Variants in LOC128462377 observed in about 807,000 individuals in gnomAD.
the LOC128462377 span, among the ~76,000 whole-genome samples, chr16:89,335,333 C>T: frequency 1.3e-5 from 2 of 152,208 alleles, no homozygotes; most frequent in African/African-American, 4.8e-5. Flanking sequence ...CAGTTCCTTC[C>T]AGCACAGGAA....
chr16:89,354,614 G>A, the LOC128462377 span, among the ~76,000 whole-genome samples: 1 of 152,198 alleles, frequency 6.6e-6, no homozygotes, highest in Non-Finnish European at 1.5e-5. Context: ...GGGCACGGTG[G>A]CTCACTCTTG....
At chr16:89,346,409 A>T in the LOC128462377 span, among the ~76,000 whole-genome samples, 1 of 152,334 alleles carries the variant, frequency 6.6e-6, no homozygotes, top group East Asian at 1.9e-4. Context: ...CTGGAGCTAA[A>T]CATATAAAAT....
the LOC128462377 span, among the ~76,000 whole-genome samples, chr16:89,392,163 G>A: frequency 5.9e-5 from 9 of 152,204 alleles, no homozygotes; most frequent in African/African-American, 2.2e-4. Context: ...CGGACACAGC[G>A]TCAGGTTATA....
the LOC128462377 span, among the ~76,000 whole-genome samples, chr16:89,342,535 C>T: frequency 6.6e-6 from 1 of 152,238 alleles, no homozygotes; most frequent in Non-Finnish European, 1.5e-5. Context: ...CTGCGTGGCT[C>T]TCTCCTAGCA....
the LOC128462377 span, among the ~76,000 whole-genome samples, chr16:89,354,847 T>A: frequency 6.6e-6 from 1 of 152,044 alleles, no homozygotes; most frequent in Non-Finnish European, 1.5e-5. Context: ...AGATCACACC[T>A]CTGCACTCCA....
chr16:89,383,715 G>A, the LOC128462377 span, among the ~76,000 whole-genome samples: 4 of 152,006 alleles, frequency 2.6e-5, no homozygotes, highest in African/African-American at 9.7e-5. Flanking sequence ...GACCAGCAAC[G>A]CAGCAGACGT....
chr16:89,377,497 G>A, the LOC128462377 span, among the ~76,000 whole-genome samples: 2 of 152,014 alleles, frequency 1.3e-5, no homozygotes, highest in Non-Finnish European at 2.9e-5. Flanking sequence ...CTGGGGGGCG[G>A]GGAGGGATGA....
the LOC128462377 span, among the ~76,000 whole-genome samples, chr16:89,410,497 C>T: frequency 3.3e-5 from 5 of 152,124 alleles, no homozygotes; most frequent in Non-Finnish European, 7.4e-5. Context: ...CTGTCAGGAA[C>T]CACGCAGAGC....
At chr16:89,394,124 C>A in the LOC128462377 span, among the ~76,000 whole-genome samples, 2 of 152,302 alleles carry the variant, frequency 1.3e-5, no homozygotes, top group Middle Eastern at 3.4e-3. Flanking sequence ...TCCAGGCAGG[C>A]TTCCCAGGCC....
chr16:89,358,874 G>T, the LOC128462377 span, among the ~76,000 whole-genome samples: 1 of 151,980 alleles, frequency 6.6e-6, no homozygotes, highest in African/African-American at 2.4e-5. Flanking sequence ...TGCCCAGGCT[G>T]GAGCGCAGTG....
At chr16:89,327,099 G>A in the LOC128462377 span, among the ~76,000 whole-genome samples, 1,484 of 44,398 alleles carry the variant, frequency 0.033, 23 homozygotes, top group African/African-American at 0.11. Context: ...CAGAGGTGGG[G>A]AATGCAGAGG....
the LOC128462377 span, among the ~76,000 whole-genome samples, chr16:89,363,938 G>C: frequency 6.6e-6 from 1 of 152,138 alleles, no homozygotes; most frequent in Non-Finnish European, 1.5e-5. Flanking sequence ...ATACATGCCT[G>C]CAGTCCCAGC....
the LOC128462377 span, among the ~76,000 whole-genome samples, chr16:89,406,806 C>T: frequency 6.6e-6 from 1 of 152,174 alleles, no homozygotes; most frequent in Non-Finnish European, 1.5e-5. Flanking sequence ...ACAGGGTGCC[C>T]TCCGGGAGGC....
At chr16:89,399,069 C>A in the LOC128462377 span, among the ~76,000 whole-genome samples, 5 of 152,192 alleles carry the variant, frequency 3.3e-5, no homozygotes, top group African/African-American at 1.2e-4. Flanking sequence ...GTTGCCTCAA[C>A]AGAAACTGCA....
At chr16:89,405,966 CG>C in the LOC128462377 span, among the ~76,000 whole-genome samples, 1 of 152,004 alleles carries the variant, frequency 6.6e-6, no homozygotes, top group African/African-American at 2.4e-5. Context: ...AAAAACTTAC[CG>C]GGCGTGGTGG....
chr16:89,345,955 C>T, the LOC128462377 span, among the ~76,000 whole-genome samples: 3 of 152,064 alleles, frequency 2.0e-5, no homozygotes, highest in African/African-American at 7.2e-5. Flanking sequence ...CAAGAATCAA[C>T]AGAACAGGCC....
chr16:89,391,114 G>A, the LOC128462377 span, among the ~76,000 whole-genome samples: 9 of 151,660 alleles, frequency 5.9e-5, no homozygotes, highest in African/African-American at 1.5e-4. Context: ...TGTAGTCCCA[G>A]CTACTCGGGA....
At chr16:89,347,926 A>G in the LOC128462377 span, among the ~76,000 whole-genome samples, 1 of 151,824 alleles carries the variant, frequency 6.6e-6, no homozygotes, top group African/African-American at 2.4e-5. Context: ...CCTCATGAAT[A>G]GGTATGGGAT....
chr16:89,324,036 G>A, the LOC128462377 span: 1 of 217,386 alleles, frequency 4.6e-6, no homozygotes, highest in African/African-American at 2.4e-5. Context: ...ATTTTTGGTA[G>A]AGACAGGGTT....
Sources: gnomAD v4.1 joint callset for allele counts (sites outside exome capture counted in the v4.1 genomes callset) on GRCh38, gnomAD v4.1.1 for gene constraint, MANE v1.5 for transcripts.